The following DYM variants were observed in gnomAD, a reference collection of about 807,000 sequenced individuals.
The protein encoded by DYM is dyggve-Melchior-Clausen syndrome protein.
DYM carries 78 observed loss-of-function variants against 93.1 expected under a neutral mutation model. That is an observed-to-expected ratio of 0.84 (90% CI 0.70 to 1.01). DYM has a LOEUF of 1.01. DYM is among the 50% of genes least tolerant of loss of function. DYM has a pLI of 0.00. For missense variants in DYM, 789 were observed against 845.0 expected (o/e 0.93, Z 0.82); for synonymous variants, 321 against 319.7 (o/e 1.00, Z -0.04).
intron 1 of DYM, among the ~76,000 whole-genome samples, chr18:49,443,485 A>T (rs1018779225): frequency 1.1e-4 from 16 of 152,222 alleles, no homozygotes; most frequent in Non-Finnish European, 2.2e-4. Context: ...AAGTACTCTG[A>T]TGTCACACTT....
intron 11 of DYM, among the ~76,000 whole-genome samples, chr18:49,258,801 C>CAGAG (rs1258606314): frequency 7.5e-6 from 1 of 132,740 alleles, no homozygotes; most frequent in Non-Finnish European, 1.6e-5. Flanking sequence ...CACACACACA[C>CAGAG]ACACACACAC....
chr18:49,437,694 C>T (rs1343263240), intron 1 of DYM, among the ~76,000 whole-genome samples: 1 of 152,174 alleles, frequency 6.6e-6, no homozygotes, highest in African/African-American at 2.4e-5. Flanking sequence ...ACCAGCAACG[C>T]CTATTTCTCT....
chr18:49,211,711 C>T (rs576723463), intron 13 of DYM, among the ~76,000 whole-genome samples: 1 of 152,302 alleles, frequency 6.6e-6, no homozygotes, highest in South Asian at 2.1e-4. Flanking sequence ...GATGTACACA[C>T]AATCTCTACC....
intron 1 of DYM, among the ~76,000 whole-genome samples, chr18:49,443,002 C>T (rs1424937107): frequency 3.3e-5 from 5 of 151,984 alleles, no homozygotes; most frequent in African/African-American, 1.2e-4. Flanking sequence ...GGACTACAGG[C>T]ATGCACCACC....
At chr18:49,317,447 G>A (rs2146487347) in intron 8 of DYM, among the ~76,000 whole-genome samples, 1 of 152,030 alleles carries the variant, frequency 6.6e-6, no homozygotes, top group African/African-American at 2.4e-5. Context: ...TCTGAAATGG[G>A]GCAACAGTGA....
intron 17 of DYM, among the ~76,000 whole-genome samples, chr18:49,056,991 G>A (rs2075551387): frequency 6.6e-6 from 1 of 152,218 alleles, no homozygotes; most frequent in Admixed American, 6.5e-5. Flanking sequence ...CATGGCCTGG[G>A]CCAATTCCTG....
intron 8 of DYM, among the ~76,000 whole-genome samples, chr18:49,329,290 G>T (rs529547901): frequency 1.5e-5 from 2 of 135,158 alleles, no homozygotes; most frequent in East Asian, 2.6e-4. Flanking sequence ...GTTGTGGGGT[G>T]GGGGGGAGGG....
At chr18:49,258,789 C>A (rs1186309632) in intron 11 of DYM, among the ~76,000 whole-genome samples, 1 of 90,812 alleles carries the variant, frequency 1.1e-5, no homozygotes, top group African/African-American at 4.6e-5. Context: ...TAGACACACA[C>A]ACACACACAC....
chr18:49,414,139 A>G (rs2072629109), intron 2 of DYM, among the ~76,000 whole-genome samples: 1 of 152,226 alleles, frequency 6.6e-6, no homozygotes, highest in South Asian at 2.1e-4. Context: ...GACAGAAAGT[A>G]AAAATAGAGG....
intron 14 of DYM, among the ~76,000 whole-genome samples, chr18:49,209,228 A>G (rs535843500): frequency 6.6e-6 from 1 of 152,352 alleles, no homozygotes; most frequent in South Asian, 2.1e-4. Context: ...AGTCTATTTC[A>G]TATAAAACAT....
chr18:49,410,626 A>G (rs2072131550), intron 2 of DYM, among the ~76,000 whole-genome samples: 2 of 150,940 alleles, frequency 1.3e-5, no homozygotes, highest in Admixed American at 1.3e-4. Flanking sequence ...CCTGGACAAC[A>G]TAGTGAGACC....
chr18:49,383,170 C>T (rs2068220588), intron 3 of DYM, among the ~76,000 whole-genome samples: 1 of 152,074 alleles, frequency 6.6e-6, no homozygotes, highest in Non-Finnish European at 1.5e-5. Flanking sequence ...AAAGACATAA[C>T]CAAAAATAAT....
chr18:49,199,814 A>T (rs2091852313), intron 14 of DYM, among the ~76,000 whole-genome samples: 1 of 152,220 alleles, frequency 6.6e-6, no homozygotes, highest in Non-Finnish European at 1.5e-5. Context: ...CTGAAGATGC[A>T]ATCCTTTGAA....
rs568100618 is a variant in DYM at position 49,110,116 on chromosome 18, A to G, written c.1911+8628T>C. On this transcript the variant is annotated intron_variant, in intron 16 of 17. Transcript: ENST00000675505. The stretch of plus-strand genomic sequence containing the variant: ...ATACCCACTTGTTTACACATAGTCT[A>G]TGGCTGCCATTGAATTACAATTGTT... Among the ~76,000 whole-genome samples the G allele has an allele frequency of 2.0e-5, 3 of 152,350 alleles. No homozygotes were observed. The South Asian group carries it at 6.2e-4, about 32-fold the overall frequency.
intron 6 of DYM, among the ~76,000 whole-genome samples, chr18:49,334,472 T>G (rs1403561850): frequency 6.6e-6 from 1 of 152,130 alleles, no homozygotes; most frequent in East Asian, 1.9e-4. Flanking sequence ...GAAACAAGTC[T>G]TAGATCAAAT....
At chr18:49,176,601 G>T (rs2089411206) in intron 14 of DYM, among the ~76,000 whole-genome samples, 1 of 134,318 alleles carries the variant, frequency 7.4e-6, no homozygotes, top group Non-Finnish European at 1.6e-5. Flanking sequence ...TTTTTGCAGA[G>T]ATGAGGTCTT....
intron 14 of DYM, among the ~76,000 whole-genome samples, chr18:49,170,903 T>C (rs2088622832): frequency 6.7e-6 from 1 of 150,110 alleles, no homozygotes; most frequent in Admixed American, 6.7e-5. Flanking sequence ...AAGAAAGACA[T>C]TCTGGAAGCC....
chr18:49,170,697 T>G (rs1045717607), intron 14 of DYM, among the ~76,000 whole-genome samples: 2 of 148,008 alleles, frequency 1.4e-5, no homozygotes, highest in Non-Finnish European at 3.0e-5. Flanking sequence ...GGAGAATTCT[T>G]GAACCTGGGA....
chr18:49,123,262 T>C (rs1050280159), intron 15 of DYM, among the ~76,000 whole-genome samples: 2 of 152,164 alleles, frequency 1.3e-5, no homozygotes, highest in African/African-American at 4.8e-5. Flanking sequence ...TCCAAATCTA[T>C]AGGTTATGTG....
Sources: allele counts gnomAD v4.1 joint callset (sites outside exome capture counted in the v4.1 genomes callset), GRCh38; gene constraint gnomAD v4.1.1; transcripts MANE v1.5; gene names NCBI Gene and HGNC (gene_info 2026-07-23, HGNC 2026-07-21).